The following MYO1B variants were observed in gnomAD, a reference collection of about 807,000 sequenced individuals.
MYO1B encodes myosin IB, also known as unconventional myosin-Ib.
In MYO1B, 72 loss-of-function variants were observed where a neutral mutation model predicts 159.7. The ratio of observed to expected loss-of-function variants is 0.45; its 90% confidence interval spans 0.37 to 0.55. The LOEUF is 0.55. MYO1B is among the 20% of genes least tolerant of loss of function. The pLI, the probability that MYO1B is intolerant of heterozygous loss-of-function variation, is 0.00. For missense variants in MYO1B, 1,062 were observed against 1,364.8 expected, an observed-to-expected ratio of 0.78 and a Z score of 3.50; for synonymous variants, 468 against 473.8, an observed-to-expected ratio of 0.99 and a Z score of 0.16.
chr2:191,329,631 A>C (rs962578513), intron 3 of MYO1B, among the ~76,000 whole-genome samples: 1 of 147,648 alleles, frequency 6.8e-6, no homozygotes, highest in Non-Finnish European at 1.5e-5. Flanking sequence ...AAATTTATTA[A>C]ATAAATTTAT....
At chr2:191,264,238 C>T (rs1686989860) in intron 1 of MYO1B, among the ~76,000 whole-genome samples, 1 of 152,120 alleles carries the variant, frequency 6.6e-6, no homozygotes. Flanking sequence ...TTTGTTTGAT[C>T]AATTCTCAAC....
At chr2:191,327,052 T>C (rs951182837) in intron 3 of MYO1B, among the ~76,000 whole-genome samples, 1 of 152,152 alleles carries the variant, frequency 6.6e-6, no homozygotes, top group Non-Finnish European at 1.5e-5. Flanking sequence ...CTCAAAATAT[T>C]ATCTGAACAT....
In MYO1B at chr2:191,424,001, A is replaced by C. The variant is rs760588702; in HGVS notation, c.*41A>C. The C allele has an allele frequency of 6.3e-7, 1 of 1,582,136 alleles. No individual in the cohort carries two copies. The highest frequency in any genetic ancestry group is 1.8e-5 in the Admixed American group (1 of 55,120). On this transcript the variant is annotated 3_prime_UTR_variant, in exon 31 of 31. Transcript: ENST00000392318. ...TACTTTCATGGACTTGTTCCTTTGT[A>C]ATAGTGCAATTTGGTTTTGTTTTAT...
intron 2 of MYO1B, among the ~76,000 whole-genome samples, chr2:191,287,572 A>G (rs1688452975): frequency 6.6e-6 from 1 of 152,138 alleles, no homozygotes; most frequent in African/African-American, 2.4e-5. Context: ...GGAAAAGTTA[A>G]ATAATGTGCC....
At chr2:191,347,589 A>C in intron 6 of MYO1B, among the ~76,000 whole-genome samples, 1 of 152,238 alleles carries the variant, frequency 6.6e-6, no homozygotes, top group South Asian at 2.1e-4. Context: ...GTGATATTTG[A>C]AATCTAGTGA....
intron 1 of MYO1B, among the ~76,000 whole-genome samples, chr2:191,246,739 C>CTAT (rs1685816934): frequency 2.0e-5 from 3 of 151,966 alleles, no homozygotes; most frequent in African/African-American, 7.3e-5. Context: ...AACAGTTTTC[C>CTAT]AGGACTGTTT....
intron 11 of MYO1B, among the ~76,000 whole-genome samples, chr2:191,368,610 G>A (rs921784435): frequency 1.2e-4 from 18 of 152,148 alleles, no homozygotes; most frequent in Admixed American, 9.8e-4. Flanking sequence ...AGATAAGCAC[G>A]TAAGAAGGGG....
At chr2:191,293,434 TTA>T (rs1688799701) in intron 2 of MYO1B, among the ~76,000 whole-genome samples, 1 of 152,098 alleles carries the variant, frequency 6.6e-6, no homozygotes, top group Admixed American at 6.5e-5. Flanking sequence ...TGGGGTGAGT[TTA>T]TATGGTAAAG....
At chr2:191,367,643 G>A (rs978368466) in intron 11 of MYO1B, among the ~76,000 whole-genome samples, 1 of 152,170 alleles carries the variant, frequency 6.6e-6, no homozygotes, top group Non-Finnish European at 1.5e-5. Context: ...CTTGTTGAAA[G>A]TAGATAGCAT....
chr2:191,414,138 C>T lies in MYO1B; in HGVS notation c.2964C>T (p.Ile988=). The T allele has an allele frequency of 1.2e-6, 2 of 1,613,408 alleles. No individual in the cohort carries two copies. The highest frequency in any genetic ancestry group is 1.3e-5 in the African/African-American group (1 of 74,992). Residue 988 remains isoleucine, a synonymous_variant, in exon 28 of 31, where the codon ATC becomes ATT. Coordinates refer to ENST00000392318, the MANE Select transcript of MYO1B (RefSeq NM_001130158.3). Reference sequence around the variant, plus strand: ...AAGATGCCATTGAAGAAAAGATCATCATTGCTGAAGTCGTGAACAAAATTA... The same window carrying T: ...AAGATGCCATTGAAGAAAAGATCATTATTGCTGAAGTCGTGAACAAAATTA... ...KLKDAIEEKI[I]IAEVVNKINR... is the part of the protein sequence containing the mutation.
chr2:191,316,850 C>T (rs999094096), intron 3 of MYO1B, among the ~76,000 whole-genome samples: 11 of 152,174 alleles, frequency 7.2e-5, no homozygotes, highest in African/African-American at 2.7e-4. Flanking sequence ...AGGGTTGTCA[C>T]TGTAGCTTTT....
chr2:191,381,710 A>T, intron 14 of MYO1B, 144 bp downstream of exon 14: 4 of 629,938 alleles, frequency 6.3e-6, no homozygotes, highest in Middle Eastern at 8.7e-4. Context: ...GAAGAGGCAA[A>T]GCTATAGAGA....
At chr2:191,304,005 G>C (rs564820014) in intron 3 of MYO1B, among the ~76,000 whole-genome samples, 7 of 152,292 alleles carry the variant, frequency 4.6e-5, no homozygotes, top group African/African-American at 1.7e-4. Flanking sequence ...CACTGTGTTT[G>C]TTGTCAGTCT....
intron 1 of MYO1B, among the ~76,000 whole-genome samples, chr2:191,250,645 G>A (rs1209095328): frequency 2.6e-5 from 4 of 152,250 alleles, no homozygotes; most frequent in Non-Finnish European, 4.4e-5. Context: ...TTAAGTATTG[G>A]GTGCTTGCTT....
At chr2:191,276,788 C>G in intron 1 of MYO1B, 99 bp from the exon 2 acceptor site, 1 of 1,362,610 alleles carries the variant, frequency 7.3e-7, no homozygotes, top group South Asian at 1.5e-5. Context: ...TAGTGAGAGT[C>G]ATTTGGAGCT....
At chr2:191,334,117 GTTT>G (rs35981729) in intron 4 of MYO1B, among the ~76,000 whole-genome samples, 1 of 146,244 alleles carries the variant, frequency 6.8e-6, no homozygotes. Context: ...GTGACTAACG[GTTT>G]TTTTTTTTTT....
At chr2:191,249,052 T>A (rs1685960273) in intron 1 of MYO1B, among the ~76,000 whole-genome samples, 1 of 152,222 alleles carries the variant, frequency 6.6e-6, no homozygotes, top group African/African-American at 2.4e-5. Context: ...CATTTAAAAA[T>A]AAGTTCTTTT....
intron 21 of MYO1B, among the ~76,000 whole-genome samples, chr2:191,398,757 G>T (rs1696378947): frequency 6.6e-6 from 1 of 151,730 alleles, no homozygotes; most frequent in South Asian, 2.1e-4. Flanking sequence ...TGGCGGCCGG[G>T]CAGAGACGCT....
chr2:191,272,134 G>A (rs142523518), intron 1 of MYO1B, among the ~76,000 whole-genome samples: 30 of 152,288 alleles, frequency 2.0e-4, no homozygotes, highest in African/African-American at 6.5e-4. Flanking sequence ...AGTAATTTTG[G>A]AAGTTCTTGA....
Sources: allele counts gnomAD v4.1 joint callset (sites outside exome capture counted in the v4.1 genomes callset), GRCh38; gene constraint gnomAD v4.1.1; transcripts MANE v1.5; gene names NCBI Gene and HGNC (gene_info 2026-07-23, HGNC 2026-07-21).